CRTC1: variants seen among roughly 807,000 people sequenced by gnomAD.
CRTC1 encodes CREB-regulated transcription coactivator 1.
In CRTC1, 18 loss-of-function variants were observed where a neutral mutation model predicts 66.1. The ratio of observed to expected loss-of-function variants is 0.27; its 90% CI spans 0.19 to 0.40. The LOEUF is 0.40. Among genes scored for constraint, CRTC1 ranks in the 10% least tolerant of loss-of-function variants. The probability of loss-of-function intolerance (pLI) is 1.00; values close to 1 mark genes in which losing one functional copy is unlikely to be tolerated. For missense variants in CRTC1, 669 were observed against 887.9 expected (o/e 0.75, Z 3.13); for synonymous variants, 416 against 398.8 (o/e 1.04, Z -0.51).
chr19:18,761,032 G>A (rs530200507), intron 8 of CRTC1, among the ~76,000 whole-genome samples: 4 of 152,140 alleles, frequency 2.6e-5, no homozygotes, highest in Admixed American at 2.0e-4. Context: ...GGTCTGGGAT[G>A]TCCACCCTGG....
rs775578688 is a variant in CRTC1 at position 18,777,502 on chromosome 19, A to G, written c.*120A>G. 6.2e-6 allele frequency: 6 copies of G among 974,570 alleles called. No individual in the cohort carries two copies. The highest frequency in any genetic ancestry group is 2.8e-5 in the South Asian group (2 of 72,688). 60.4% of individuals were successfully genotyped at this position (974,570 alleles called of 1,614,324 possible). Reference sequence around the variant, plus strand: ...GTGATTCTGAGCTTGCAATGCCGCCAAGCGCCCCCCGCCAGCCCGCCCCCG... The same window carrying G: ...GTGATTCTGAGCTTGCAATGCCGCCGAGCGCCCCCCGCCAGCCCGCCCCCG... On this transcript the variant is annotated 3_prime_UTR_variant, in exon 14 of 14. Transcript: ENST00000321949. The surrounding 1 kb of genome is among the most constrained non-coding windows in gnomAD (Gnocchi z 5.5).
chr19:18,779,859 C>A lies in CRTC1; in HGVS notation c.*2477C>A. On this transcript the variant is annotated 3_prime_UTR_variant, in exon 14 of 14. Transcript: ENST00000321949. ...TCCGAGCTTGCCAGGGACAGTGGGG[C>A]CCACGCGAGTACCCGGGGCCCAGCC... The A allele has an allele frequency of 4.4e-6, 1 of 228,306 alleles. No individual in the cohort carries two copies. Among genetic ancestry groups the A allele is most frequent in the Non-Finnish European group, 8.7e-6 (1 of 115,112 alleles). 14.1% of individuals were successfully genotyped at this position (228,306 alleles called of 1,614,324 possible).
At chr19:18,763,242 A>C (rs1185912786) in intron 8 of CRTC1, among the ~76,000 whole-genome samples, 1 of 152,042 alleles carries the variant, frequency 6.6e-6, no homozygotes, top group East Asian at 1.9e-4. Context: ...CTGGGAGTAC[A>C]GGCGCCCACC....
chr19:18,706,676 G>A (rs1028922671), intron 1 of CRTC1, among the ~76,000 whole-genome samples: 2 of 152,002 alleles, frequency 1.3e-5, no homozygotes, highest in Non-Finnish European at 2.9e-5. Flanking sequence ...ATTTTAGGGT[G>A]GATTTTTTTC....
In CRTC1 at chr19:18,779,606, G is replaced by T. The variant is rs1318066531; in HGVS notation, c.*2224G>T. 4.5e-6 allele frequency: 1 copy of T among 222,084 alleles called. No individual in the cohort carries two copies. Among genetic ancestry groups the T allele is most frequent in the East Asian group, 6.6e-5 (1 of 15,242 alleles). The allele number at this position is 222,084 out of a possible 1,614,324, so 13.8% of individuals were successfully genotyped here. A position where few individuals can be genotyped will look rare whatever the true frequency, so the allele number is the denominator to read the frequency against. On this transcript the variant is annotated 3_prime_UTR_variant, in exon 14 of 14. Transcript: ENST00000321949. ...TTCAAAAGAAGGCATTGAGGACCATGCTAGGAAACCTCATACCCCATCCGT... is the reference window on the plus strand; with the variant it reads ...TTCAAAAGAAGGCATTGAGGACCATTCTAGGAAACCTCATACCCCATCCGT...
intron 11 of CRTC1, among the ~76,000 whole-genome samples, chr19:18,773,860 G>C: frequency 6.6e-6 from 1 of 152,054 alleles, no homozygotes; most frequent in East Asian, 1.9e-4. Flanking sequence ...TTTGTGGCCG[G>C]CCCCTCTCTG....
intron 1 of CRTC1, among the ~76,000 whole-genome samples, chr19:18,715,439 G>A (rs2053485539): frequency 6.6e-6 from 1 of 152,138 alleles, no homozygotes; most frequent in Non-Finnish European, 1.5e-5. Flanking sequence ...TTGGATTAGG[G>A]CCCACCCTAC....
chr19:18,700,397 C>T (rs1167596681), intron 1 of CRTC1, among the ~76,000 whole-genome samples: 3 of 152,188 alleles, frequency 2.0e-5, no homozygotes, highest in African/African-American at 7.2e-5. Flanking sequence ...CTTGGGGGCT[C>T]TCGGCAAGGG....
At chr19:18,697,101 G>A (rs925481898) in intron 1 of CRTC1, among the ~76,000 whole-genome samples, 1 of 152,116 alleles carries the variant, frequency 6.6e-6, no homozygotes, top group Non-Finnish European at 1.5e-5. Flanking sequence ...AGCTGGATGG[G>A]GGTCCAGGTG....
intron 1 of CRTC1, among the ~76,000 whole-genome samples, chr19:18,738,466 C>A (rs1363840069): frequency 6.6e-6 from 1 of 152,150 alleles, no homozygotes; most frequent in Middle Eastern, 3.2e-3. Context: ...CCAGATGAGA[C>A]CGTCCTGGAT....
chr19:18,716,257 C>CT (rs1216463325), intron 1 of CRTC1, among the ~76,000 whole-genome samples: 3,390 of 144,062 alleles, frequency 0.024, 117 homozygotes, highest in African/African-American at 0.077. Flanking sequence ...CCGAATGACT[C>CT]TTTTTTTTTT....
chr19:18,764,026 A>G (rs1050599369), intron 8 of CRTC1, among the ~76,000 whole-genome samples: 1 of 152,056 alleles, frequency 6.6e-6, no homozygotes, highest in Admixed American at 6.5e-5. Context: ...GGAGCAGTCA[A>G]CAGCACCAGG....
At chr19:18,697,329 G>C (rs964492870) in intron 1 of CRTC1, among the ~76,000 whole-genome samples, 3 of 152,140 alleles carry the variant, frequency 2.0e-5, no homozygotes, top group Non-Finnish European at 4.4e-5. Flanking sequence ...CCTTCTGGGC[G>C]AGCTTAGACC....
intron 4 of CRTC1, among the ~76,000 whole-genome samples, chr19:18,747,842 C>T (rs949091154): frequency 2.6e-5 from 4 of 152,128 alleles, no homozygotes; most frequent in Non-Finnish European, 5.9e-5. Context: ...CTTTTGGAGA[C>T]CAACGCAGGC....
chr19:18,724,037 A>T (rs545216509), intron 1 of CRTC1, among the ~76,000 whole-genome samples: 1 of 152,180 alleles, frequency 6.6e-6, no homozygotes, highest in Non-Finnish European at 1.5e-5. Context: ...ACCTCCCTGC[A>T]CAGAACAGAG....
rs187821102 is a variant in CRTC1, at chr19:18,730,598, C to T, written c.127-12312C>T. ...TGACTACCATGAGAGCTGGCCTGGC[C>T]TGGTCTCTGCTCCCTGTGTCCAGCC... is the stretch of plus-strand genomic sequence containing the variant. On this transcript the variant is annotated intron_variant, in intron 1 of 13. Transcript: ENST00000321949. Among the ~76,000 whole-genome samples the T allele has an allele frequency of 3.2e-3, 480 of 152,230 alleles. 3 individuals carry two copies. Among genetic ancestry groups the T allele is most frequent in the Non-Finnish European group, 3.4e-3 (230 of 67,982 alleles).
chr19:18,745,529 C>T (rs1001813674), intron 2 of CRTC1, among the ~76,000 whole-genome samples: 12 of 152,152 alleles, frequency 7.9e-5, no homozygotes, highest in Non-Finnish European at 1.0e-4. Context: ...ACCCGGCGGG[C>T]GCTGGCCCCG....
rs60084986 is a variant in CRTC1, at chr19:18,689,583, A to ATATATATATATG, written c.126+5758_126+5759insATATATATGTAT. 2.3e-4 allele frequency among the ~76,000 whole-genome samples: 15 copies of ATATATATATATG among 65,732 alleles called. No individual in the cohort carries two copies. In the East Asian group the frequency reaches 2.4e-3, roughly 11 times the overall value. The allele number at this position is 65,732 out of a possible 152,430, so 43.1% of individuals were successfully genotyped here. A position where few individuals can be genotyped will look rare whatever the true frequency, so the allele number is the denominator to read the frequency against. ...GATGGCCATATATATATATATATAT[A>ATATATATATATG]TATGTAATATAACACTTACCATTTT... On this transcript the variant is annotated intron_variant, in intron 1 of 13. Coordinates refer to ENST00000321949, the MANE Select transcript of CRTC1 (RefSeq NM_015321.3).
chr19:18,768,839 A>G lies in CRTC1; in HGVS notation c.1320+46A>G, dbSNP rs982591851. On this transcript the variant is annotated intron_variant, in intron 10 of 13. Coordinates refer to ENST00000321949, the MANE Select transcript of CRTC1 (RefSeq NM_015321.3). The surrounding 1 kb of genome is among the most constrained non-coding windows in gnomAD (Gnocchi z 5.6). ...CTCGGGGCCTGACTGGGGGTCTTGT[A>G]GAGGACAGCCCGGGGGCTGCAGAAC... The G allele has an allele frequency of 3.9e-6, 6 of 1,550,794 alleles. No homozygotes were observed. Among genetic ancestry groups the G allele is most frequent in the Non-Finnish European group, 5.2e-6 (6 of 1,149,068 alleles).
Sources: gnomAD v4.1 joint callset for allele counts (sites outside exome capture counted in the v4.1 genomes callset) on GRCh38, gnomAD v4.1.1 for gene constraint, Gnocchi (gnomAD v3.1) non-coding constraint, MANE v1.5 for transcripts, NCBI Gene and HGNC (gene_info 2026-07-23, HGNC 2026-07-21) for gene names.